Variants in PHACTR1 observed in about 807,000 individuals in gnomAD.
The protein encoded by PHACTR1 is phosphatase and actin regulator 1, also known as RPEL repeat containing 1.
A neutral mutation model predicts 69.2 loss-of-function variants in PHACTR1; 16 were observed. The observed-to-expected ratio is 0.23, with a 90% CI of 0.16 to 0.35. The LOEUF (loss-of-function observed/expected upper bound fraction) is 0.35. Ranked by LOEUF, PHACTR1 falls within the 10% of genes least tolerant of loss-of-function variation. PHACTR1 has a pLI of 1.00. For synonymous variants in PHACTR1, 312 were observed against 284.5 expected (o/e 1.10, Z -0.97); for missense variants, 510 against 734.7 (o/e 0.69, Z 3.54).
chr6:13,233,091 C>G (rs1017707417), intron 10 of PHACTR1, among the ~76,000 whole-genome samples: 3 of 152,156 alleles, frequency 2.0e-5, no homozygotes, highest in African/African-American at 2.4e-5. Context: ...GTCCTTGCAC[C>G]TGGTTTAGAC....
intron 5 of PHACTR1, among the ~76,000 whole-genome samples, chr6:13,119,728 A>C (rs1818415874): frequency 6.6e-6 from 1 of 152,210 alleles, no homozygotes; most frequent in Admixed American, 6.5e-5. Flanking sequence ...CTTCTGCTAA[A>C]GCTTTAGCAC....
intron 5 of PHACTR1, among the ~76,000 whole-genome samples, chr6:13,130,246 C>T (rs1192821225): frequency 6.6e-6 from 1 of 151,722 alleles, no homozygotes; most frequent in Non-Finnish European, 1.5e-5. Context: ...ACTAGAAAAA[C>T]AAGAACAAAC....
At chr6:13,236,279 A>G (rs1428545043) in intron 10 of PHACTR1, among the ~76,000 whole-genome samples, 2 of 152,204 alleles carry the variant, frequency 1.3e-5, no homozygotes, top group Admixed American at 6.5e-5. Context: ...CCAATAATGC[A>G]GACCACTCAC....
rs190646241 is a variant in PHACTR1 at position 13,043,454 on chromosome 6, G to A, written c.251-9911G>A. Among the ~76,000 whole-genome samples the A allele has an allele frequency of 1.1e-4, 17 of 152,144 alleles. No individual in the cohort carries two copies. In the East Asian group the frequency reaches 1.9e-3, roughly 17 times the overall value. Reference sequence around the variant, plus strand: ...AAAAAAAAGGCGGGTGGGGGGTGGCGCTGGGGAGGCTGAAAGATTATCCAC... The same window carrying A: ...AAAAAAAAGGCGGGTGGGGGGTGGCACTGGGGAGGCTGAAAGATTATCCAC... On this transcript the variant is annotated intron_variant, in intron 4 of 14. Coordinates refer to ENST00000332995, the MANE Select transcript of PHACTR1 (RefSeq NM_030948.6).
chr6:13,063,896 G>C (rs576138423), intron 5 of PHACTR1, among the ~76,000 whole-genome samples: 31 of 152,302 alleles, frequency 2.0e-4, no homozygotes, highest in African/African-American at 7.5e-4. Context: ...TATGAGGTAT[G>C]TTAAGGAGTC....
chr6:12,745,489 C>T (rs184574840), intron 3 of PHACTR1, among the ~76,000 whole-genome samples: 11 of 152,220 alleles, frequency 7.2e-5, no homozygotes, highest in Admixed American at 2.6e-4. Flanking sequence ...TGCTTCTGTA[C>T]AGATGCCTAC....
intron 3 of PHACTR1, 190 bp from the exon 4 acceptor site, chr6:12,749,454 T>C (rs1443514341): frequency 3.0e-6 from 2 of 672,694 alleles, no homozygotes; most frequent in Admixed American, 2.1e-5. Flanking sequence ...CACCCCTTTC[T>C]CTCCTTTGCT....
chr6:12,785,308 C>T (rs546873846), intron 4 of PHACTR1, among the ~76,000 whole-genome samples: 2 of 152,222 alleles, frequency 1.3e-5, no homozygotes, highest in South Asian at 4.2e-4. Flanking sequence ...CTGTATCCAC[C>T]ACCGGTCCAA....
chr6:13,263,906 A>C (rs1045361854), intron 10 of PHACTR1, among the ~76,000 whole-genome samples: 2 of 152,174 alleles, frequency 1.3e-5, no homozygotes, highest in Non-Finnish European at 2.9e-5. Context: ...TAAGAGATGC[A>C]CCAGGTACAT....
chr6:12,982,456 GGA>G (rs1301448959), intron 4 of PHACTR1, among the ~76,000 whole-genome samples: 2 of 152,206 alleles, frequency 1.3e-5, no homozygotes, highest in Non-Finnish European at 2.9e-5. Flanking sequence ...CAAGGCGGGT[GGA>G]TCATGAAGTC....
chr6:12,887,822 A>T (rs2127464065), intron 4 of PHACTR1, among the ~76,000 whole-genome samples: 1 of 152,064 alleles, frequency 6.6e-6, no homozygotes, highest in East Asian at 1.9e-4. Context: ...TAATCCCAGC[A>T]CTTTGGGAGA....
rs1267728202 is a variant in PHACTR1, at chr6:13,199,054, C to T, written c.665-6761C>T. ...GAAGGTGAGGCCCGGGAATCTGCCT[C>T]TCCCAAGCTTCCCTAATGAGGCTGA... On this transcript the variant is annotated intron_variant, in intron 7 of 14. Coordinates refer to ENST00000332995, the MANE Select transcript of PHACTR1 (RefSeq NM_030948.6). Among the ~76,000 whole-genome samples, 4 of 152,110 alleles carry T rather than the reference C, an allele frequency of 2.6e-5. No individual in the cohort carries two copies. In the South Asian group the frequency reaches 8.3e-4, roughly 32 times the overall value.
At chr6:13,163,151 A>G (rs539140757) in intron 6 of PHACTR1, among the ~76,000 whole-genome samples, 200 of 152,334 alleles carry the variant, frequency 1.3e-3, no homozygotes, top group African/African-American at 4.6e-3. Context: ...AGGCTGAGGC[A>G]GGAGAATCAC....
intron 4 of PHACTR1, among the ~76,000 whole-genome samples, chr6:12,841,074 G>A (rs3945322): frequency 0.19 from 29,198 of 152,142 alleles, 3,061 homozygotes; most frequent in African/African-American, 0.27. Flanking sequence ...TATAAGAACT[G>A]ACTTCGTTTT....
intron 4 of PHACTR1, among the ~76,000 whole-genome samples, chr6:12,893,402 A>AT (rs1171184151): frequency 3.3e-5 from 5 of 152,170 alleles, no homozygotes; most frequent in Admixed American, 3.3e-4. Flanking sequence ...TCCATCAACA[A>AT]TTTTTTTAAA....
In PHACTR1 at chr6:13,048,522, TTGTGTGTG is replaced by T. The variant is rs70989824; in HGVS notation, c.251-4818_251-4811del. ...GACCTGTTTTTTGGTTTCCATTTCT[TTGTGTGTG>T]TGTGTGTGTGTGTGTGTGTGTGTGA... is the stretch of plus-strand genomic sequence containing the variant. On this transcript the variant is annotated intron_variant, in intron 4 of 14. Coordinates refer to ENST00000332995, the MANE Select transcript of PHACTR1 (RefSeq NM_030948.6). Among the ~76,000 whole-genome samples, 186 of 142,984 alleles carry T rather than the reference TTGTGTGTG, an allele frequency of 1.3e-3. 1 individual carries two copies. The highest frequency in any genetic ancestry group is 2.3e-3 in the Non-Finnish European group (151 of 66,144). 93.8% of individuals were successfully genotyped at this position (142,984 alleles called of 152,430 possible). A position where few individuals can be genotyped will look rare whatever the true frequency, so the allele number is the denominator to read the frequency against.
chr6:12,811,151 G>C (rs1207278885), intron 4 of PHACTR1, among the ~76,000 whole-genome samples: 1 of 152,134 alleles, frequency 6.6e-6, no homozygotes, highest in African/African-American at 2.4e-5. Context: ...CCGTTGGCTT[G>C]TTTTATTATC....
intron 5 of PHACTR1, among the ~76,000 whole-genome samples, chr6:13,155,649 G>A (rs547322758): frequency 7.2e-5 from 11 of 152,274 alleles, no homozygotes; most frequent in Admixed American, 3.3e-4. Context: ...TAGCACTTTG[G>A]GAGGCCAAGG....
chr6:13,092,043 C>G (rs1813368843), intron 5 of PHACTR1, among the ~76,000 whole-genome samples: 1 of 152,184 alleles, frequency 6.6e-6, no homozygotes, highest in Non-Finnish European at 1.5e-5. Context: ...CATGATCCGC[C>G]CATCTCAGCC....
Sources: allele counts gnomAD v4.1 joint callset (sites outside exome capture counted in the v4.1 genomes callset), GRCh38; gene constraint gnomAD v4.1.1; transcripts MANE v1.5; gene names NCBI Gene and HGNC (gene_info 2026-07-23, HGNC 2026-07-21).